Variants in ZNF37A observed in about 807,000 individuals in gnomAD.
ZNF37A encodes the protein zinc finger protein 37A.
ZNF37A carries 10 observed loss-of-function variants against 12.3 expected under a neutral mutation model. The observed-to-expected ratio is 0.82, with a 90% confidence interval of 0.50 to 1.38. The LOEUF is 1.38. Among genes scored for constraint, ZNF37A ranks in the 40% most tolerant of loss-of-function variants. The pLI is 0.00. For synonymous variants in ZNF37A, 207 were observed against 223.0 expected, an observed-to-expected ratio of 0.93 and a Z score of 0.64; for missense variants, 580 against 651.2, an observed-to-expected ratio of 0.89 and a Z score of 1.19.
intron 7 of ZNF37A, chr10:38,115,772 G>A (rs1229373856): frequency 2.0e-5 from 3 of 151,982 alleles, no homozygotes; most frequent in Non-Finnish European, 4.4e-5. Flanking sequence ...AAATAGCCTG[G>A]GCCCAGTGGT....
intron 1 of ZNF37A, 83 bp from the exon 2 acceptor site, chr10:38,094,848 C>T (rs1327463227): frequency 1.3e-5 from 2 of 152,226 alleles, no homozygotes; most frequent in African/African-American, 4.8e-5. Flanking sequence ...GGGAAGCGCC[C>T]GCGGGGCGGG....
exon 8 of ZNF37A, chr10:38,149,364 AGCCT>A (rs1371837204): frequency 1.6e-4 from 24 of 152,328 alleles, no homozygotes. Flanking sequence ...TGCAGAACCC[AGCCT>A]GCTACAGCCA....
intron 4 of ZNF37A, among the ~76,000 whole-genome samples, 153 bp downstream of exon 4, chr10:38,095,957 G>C (rs956428926): frequency 6.6e-6 from 1 of 152,012 alleles, no homozygotes; most frequent in Non-Finnish European, 1.5e-5. Context: ...GAGGCTGAGG[G>C]GGGTGGATCA....
At position 38,118,095 on chromosome 10, in the gene ZNF37A, T is replaced by G; in HGVS notation, c.944T>G (p.Ile315Ser). 6.2e-7 allele frequency: 1 copy of G among 1,613,536 alleles called. No individual in the cohort carries two copies. Among genetic ancestry groups the G allele is most frequent in the East Asian group, 2.2e-5 (1 of 44,840 alleles). Residue 315 changes from isoleucine (I) to serine (S), a missense_variant, in exon 8 of 8, where the codon ATT becomes AGT. By Grantham distance (142) the Ile-to-Ser change is moderately radical (BLOSUM62 -2). Coordinates refer to ENST00000685332, the MANE Select transcript of ZNF37A (RefSeq NM_001324250.3). ...GKTFYKNSDL[I>S]KHQRIHTGER... ...ACCTTCTATAAGAATTCAGACCTCATTAAACATCAAAGAATTCATACAGGG... is the reference window on the plus strand; with the variant it reads ...ACCTTCTATAAGAATTCAGACCTCAGTAAACATCAAAGAATTCATACAGGG...
chr10:38,112,196 T>C (rs1311404406), intron 5 of ZNF37A, among the ~76,000 whole-genome samples: 1 of 151,878 alleles, frequency 6.6e-6, no homozygotes, highest in Non-Finnish European at 1.5e-5. Context: ...AAATTGGCTC[T>C]GTCCTGGGGC....
At chr10:38,146,261 C>T (rs1340008941) in intron 7 of ZNF37A, among the ~76,000 whole-genome samples, 13 of 152,266 alleles carry the variant, frequency 8.5e-5, no homozygotes, top group Admixed American at 6.5e-4. Context: ...TTCCCTGAGA[C>T]TTAACAAGGG....
At chr10:38,112,750 CTTTTCTTT>C (rs1189009966) in intron 5 of ZNF37A, among the ~76,000 whole-genome samples, 479 of 47,320 alleles carry the variant, frequency 0.01, 49 homozygotes, top group Admixed American at 0.016. Flanking sequence ...CTTTTCTTTT[CTTTTCTTT>C]TCTTTTCTTT....
intron 5 of ZNF37A, among the ~76,000 whole-genome samples, chr10:38,104,882 C>A (rs1409089873): frequency 6.6e-6 from 1 of 152,158 alleles, no homozygotes; most frequent in Non-Finnish European, 1.5e-5. Flanking sequence ...CAGTTTCAAT[C>A]TTAACCCCAT....
Position 38,119,071 on chromosome 10 carries a change from A to C in ZNF37A, c.*234A>C, listed in dbSNP as rs2069530993. 2 of 1,205,242 alleles carry C rather than the reference A, an allele frequency of 1.7e-6. No individual in the cohort carries two copies. The highest frequency in any genetic ancestry group is 2.1e-6 in the Non-Finnish European group (2 of 967,910). 74.7% of individuals were successfully genotyped at this position (1,205,242 alleles called of 1,614,324 possible). ...ACTTATTGGTGAATGAATATAGGAA[A>C]CATTTTGCCCAATGCCACTCTTCAT... On this transcript the variant is annotated 3_prime_UTR_variant, in exon 8 of 8. Transcript: ENST00000685332.
Position 38,118,479 on chromosome 10 carries a change from A to C in ZNF37A, c.1328A>C (p.Gln443Pro). The C allele has an allele frequency of 6.2e-7, 1 of 1,614,084 alleles. No individual in the cohort carries two copies. Among genetic ancestry groups the C allele is most frequent in the South Asian group, 1.1e-5 (1 of 91,090 alleles). The change falls in exon 8 of 8, where the codon CAG (glutamine) becomes CCG (proline). Residue 443 changes from glutamine (Q) to proline (P), a missense_variant. Physicochemically the swap from Gln to Pro is moderately conservative, Grantham distance 76. Transcript: ENST00000685332. ...GGTGAGAAACCTTATGAATGTATTC[A>C]GTGTGGAAAATTTTTCTGCTACTAC... is the stretch of plus-strand genomic sequence containing the variant. Reference protein sequence around the residue: ...HTGEKPYECIQCGKFFCYYSG... With the variant: ...HTGEKPYECIPCGKFFCYYSG...
At chr10:38,125,984 A>G (rs1442235024), downstream of ZNF37A, among the ~76,000 whole-genome samples, 1 of 152,134 alleles carries the variant, frequency 6.6e-6, no homozygotes, top group Non-Finnish European at 1.5e-5. Context: ...AGATGACCAG[A>G]TCTTGGGAGA....
chr10:38,124,087 TA>T lies in ZNF37A; in HGVS notation c.*5252del, dbSNP rs1340684817. 1 of 152,192 alleles carries T rather than the reference TA, an allele frequency of 6.6e-6. No homozygotes were observed. The highest frequency in any genetic ancestry group is 1.5e-5 in the Non-Finnish European group (1 of 68,068). The allele number at this position is 152,192 out of a possible 1,614,324, so 9.4% of individuals were successfully genotyped here. A position where few individuals can be genotyped will look rare whatever the true frequency, so the allele number is the denominator to read the frequency against. On this transcript the variant is annotated 3_prime_UTR_variant, in exon 8 of 8. Coordinates refer to ENST00000685332, the MANE Select transcript of ZNF37A (RefSeq NM_001324250.3). ...AAGATTTGGAAGCAACCTAAGTGTC[TA>T]ACAGCAGATGAATGGATAAATAAAA...
At chr10:38,117,137 A>G (rs1262343156) in intron 7 of ZNF37A, 4 of 981,520 alleles carry the variant, frequency 4.1e-6, no homozygotes, top group Non-Finnish European at 4.8e-6. Context: ...ACCACCAACA[A>G]CAACCAAGAA....
At chr10:38,136,975 A>G (rs1436988440) in intron 7 of ZNF37A, among the ~76,000 whole-genome samples, 3 of 152,124 alleles carry the variant, frequency 2.0e-5, no homozygotes, top group African/African-American at 7.2e-5. Flanking sequence ...TTTCATTTCT[A>G]GAATTTCTTG....
rs35971995 is a variant in ZNF37A, at chr10:38,123,123, A to AG, written c.*4289dup. 0.08 allele frequency: 12,233 copies of AG among 152,190 alleles called. 553 individuals carry two copies. The highest frequency in any genetic ancestry group is 0.12 in the African/African-American group (5,006 of 41,486). The allele number at this position is 152,190 out of a possible 1,614,324, so 9.4% of individuals were successfully genotyped here. A position where few individuals can be genotyped will look rare whatever the true frequency, so the allele number is the denominator to read the frequency against. ...AATAAGTATCTCACATGGCAGGTGC[A>AG]GGGCAAAGAGAGGGGGGAAGGGAAG... On this transcript the variant is annotated 3_prime_UTR_variant, in exon 8 of 8. Coordinates refer to ENST00000685332, the MANE Select transcript of ZNF37A (RefSeq NM_001324250.3).
In ZNF37A at chr10:38,104,772, A is replaced by G. The variant is rs192265277; in HGVS notation, c.15+8140A>G. ...TTAGGAAATACATGTGTGTATGTAT[A>G]CATACACACACACACACAGAAATAC... On this transcript the variant is annotated intron_variant, in intron 5 of 7. Coordinates refer to ENST00000685332, the MANE Select transcript of ZNF37A (RefSeq NM_001324250.3). Among the ~76,000 whole-genome samples, 347 of 147,794 alleles carry G rather than the reference A, an allele frequency of 2.3e-3. 1 individual carries two copies. Among genetic ancestry groups the G allele is most frequent in the African/African-American group, 8.1e-3 (334 of 41,346 alleles).
chr10:38,106,451 C>T (rs1244971130), intron 5 of ZNF37A, among the ~76,000 whole-genome samples: 1 of 152,090 alleles, frequency 6.6e-6, no homozygotes, highest in African/African-American at 2.4e-5. Flanking sequence ...CCAACACACT[C>T]CTCCACACAA....
At position 38,117,305 on chromosome 10, in the gene ZNF37A, T is replaced by G; in HGVS notation, c.239-85T>G. ...GGTATGAGGAGATAATGGCCTAAAC[T>G]GAGCCATGCCTTCAAATATAATGCT... On this transcript the variant is annotated intron_variant, in intron 7 of 7. Coordinates refer to ENST00000685332, the MANE Select transcript of ZNF37A (RefSeq NM_001324250.3). 3.3e-6 allele frequency: 5 copies of G among 1,512,478 alleles called. No individual in the cohort carries two copies. In the South Asian group the frequency reaches 7.0e-5, roughly 21 times the overall value. The allele number at this position is 1,512,478 out of a possible 1,614,324, so 93.7% of individuals were successfully genotyped here. A position where few individuals can be genotyped will look rare whatever the true frequency, so the allele number is the denominator to read the frequency against.
exon 8 of ZNF37A, chr10:38,148,357 C>T (rs559009707): frequency 6.6e-6 from 1 of 152,334 alleles, no homozygotes; most frequent in Admixed American, 6.5e-5. Context: ...TGCAAACTGT[C>T]CAATCCCCTC....
Sources: gnomAD v4.1 joint callset for allele counts (sites outside exome capture counted in the v4.1 genomes callset) on GRCh38, gnomAD v4.1.1 for gene constraint, MANE v1.5 for transcripts, NCBI Gene and HGNC (gene_info 2026-07-23, HGNC 2026-07-21) for gene names.